SP140: variants seen among roughly 807,000 people sequenced by gnomAD.
The protein encoded by SP140 is SP140 nuclear body protein.
In SP140, 81 loss-of-function variants were observed where a neutral mutation model predicts 125.0. The observed-to-expected ratio is 0.65, with a 90% CI of 0.54 to 0.78. The LOEUF is 0.78. Ranked by LOEUF, SP140 falls within the 30% of genes least tolerant of loss-of-function variation. The probability of loss-of-function intolerance (pLI) is 0.00; values close to 1 mark genes in which losing one functional copy is unlikely to be tolerated. For missense variants in SP140, 858 were observed against 1,037.0 expected (o/e 0.83, Z 2.37); for synonymous variants, 312 against 354.0 (o/e 0.88, Z 1.33).
chr2:230,303,982 T>C lies in SP140; in HGVS notation c.2059-5942T>C, dbSNP rs527871554. ...AAGTCAAACTGTTGCTGGTCGCCAA[T>C]ATGATCGTATACCTAGAAAACCCTA... On this transcript the variant is annotated intron_variant, in intron 22 of 26. Transcript: ENST00000392045. 2.0e-3 allele frequency among the ~76,000 whole-genome samples: 312 copies of C among 152,218 alleles called. 6 individuals are homozygous for C. The highest frequency in any genetic ancestry group is 2.8e-3 in the Non-Finnish European group (187 of 67,992).
intron 14 of SP140, among the ~76,000 whole-genome samples, chr2:230,270,322 A>T (rs964234195): frequency 6.6e-6 from 1 of 152,170 alleles, no homozygotes; most frequent in Non-Finnish European, 1.5e-5. Context: ...TCAAAAGACA[A>T]CTAATCCCGG....
At chr2:230,241,604 C>T (rs893157510) in intron 4 of SP140, 117 bp downstream of exon 4, 2 of 669,156 alleles carry the variant, frequency 3.0e-6, no homozygotes, top group African/African-American at 3.6e-5. Context: ...CAGTCCTCCT[C>T]CCCTCACACA....
intron 3 of SP140, chr2:230,219,415 T>C (rs1435116978): frequency 1.3e-5 from 2 of 152,254 alleles, no homozygotes; most frequent in South Asian, 4.1e-4. Context: ...AAACATGTGC[T>C]CCTTTGAATT....
chr2:230,278,018 T>G (rs1217404684), intron 15 of SP140, among the ~76,000 whole-genome samples: 1 of 152,126 alleles, frequency 6.6e-6, no homozygotes, highest in Non-Finnish European at 1.5e-5. Flanking sequence ...ATTTCTGGAT[T>G]GTATGTATTT....
At chr2:230,200,797 A>G, upstream of SP140, 1 of 1,052,080 alleles carries the variant, frequency 9.5e-7, no homozygotes, top group East Asian at 2.4e-5. Flanking sequence ...GAAAAAAAAA[A>G]GTTAAGAAAT....
chr2:230,245,708 A>G (rs540377853), intron 6 of SP140, among the ~76,000 whole-genome samples, 155 bp from the exon 7 acceptor site: 13 of 152,222 alleles, frequency 8.5e-5, no homozygotes, highest in Middle Eastern at 3.4e-3. Flanking sequence ...GGGCCTGACA[A>G]GGTGCTAGAA....
intron 12 of SP140, among the ~76,000 whole-genome samples, chr2:230,259,187 T>C (rs1487040443): frequency 6.6e-6 from 1 of 152,182 alleles, no homozygotes; most frequent in Non-Finnish European, 1.5e-5. Flanking sequence ...GAGATTTTGG[T>C]GCACCCATCA....
intron 1 of SP140, among the ~76,000 whole-genome samples, chr2:230,206,011 G>T (rs908811497): frequency 2.6e-5 from 4 of 152,140 alleles, no homozygotes; most frequent in South Asian, 2.1e-4. Flanking sequence ...AAAGCAGCTT[G>T]TCTCTCCTTC....
upstream of SP140, among the ~76,000 whole-genome samples, chr2:230,198,468 C>A (rs926913223): frequency 6.6e-6 from 1 of 152,178 alleles, no homozygotes; most frequent in Non-Finnish European, 1.5e-5. Context: ...TCTCTGGTCT[C>A]CCTTTTTCTT....
intron 18 of SP140, among the ~76,000 whole-genome samples, chr2:230,289,178 T>C (rs186458478): frequency 6.6e-6 from 1 of 152,360 alleles, no homozygotes; most frequent in Non-Finnish European, 1.5e-5. Context: ...CGTGAGATGG[T>C]ATCTCATTGT....
downstream of SP140, among the ~76,000 whole-genome samples, chr2:230,316,363 C>A (rs908038382): frequency 1.3e-5 from 2 of 152,156 alleles, no homozygotes; most frequent in East Asian, 3.8e-4. Flanking sequence ...AAACTCAGAG[C>A]TTGATGGGCC....
the SP140 span, among the ~76,000 whole-genome samples, chr2:230,197,026 A>G: frequency 6.4e-4 from 97 of 152,360 alleles, no homozygotes; most frequent in Non-Finnish European, 1.2e-3. Context: ...TCTTTATAGC[A>G]GCATGATTTA....
At chr2:230,195,524 T>A in the SP140 span, among the ~76,000 whole-genome samples, 2 of 152,092 alleles carry the variant, frequency 1.3e-5, no homozygotes, top group African/African-American at 2.4e-5. Context: ...GAGACGGGGT[T>A]TCACCATGTT....
chr2:230,262,706 GT>G (rs200228874), intron 12 of SP140, among the ~76,000 whole-genome samples: 1,609 of 152,112 alleles, frequency 0.011, 44 homozygotes, highest in African/African-American at 0.037. Context: ...TCTTGATTTC[GT>G]TTTTGACCCA....
chr2:230,256,016 A>G (rs1321027029), intron 12 of SP140, among the ~76,000 whole-genome samples: 2 of 152,194 alleles, frequency 1.3e-5, no homozygotes, highest in Admixed American at 6.5e-5. Context: ...AGCTATCAAT[A>G]CTATTATTTG....
At chr2:230,186,235 T>C in the SP140 span, 4 of 1,217,150 alleles carry the variant, frequency 3.3e-6, no homozygotes, top group Non-Finnish European at 4.8e-6. Flanking sequence ...CATTTCTCTA[T>C]AATTCTCTCT....
intron 22 of SP140, among the ~76,000 whole-genome samples, chr2:230,300,554 C>T (rs1014630555): frequency 1.3e-5 from 2 of 152,138 alleles, no homozygotes; most frequent in African/African-American, 4.8e-5. Flanking sequence ...AGAGCAATAA[C>T]AATCACAGCA....
chr2:230,305,554 A>G (rs59559342), intron 22 of SP140, among the ~76,000 whole-genome samples: 25,788 of 152,258 alleles, frequency 0.17, 2,228 homozygotes, highest in East Asian at 0.27. Flanking sequence ...AGCCGCTGCA[A>G]TGGGGCTAGG....
At chr2:230,212,398 C>T (rs752032014) in intron 1 of SP140, 1 of 1,612,900 alleles carries the variant, frequency 6.2e-7, no homozygotes. Context: ...TCTTCTTCCG[C>T]ATTCATTTTG....
Sources: allele counts gnomAD v4.1 joint callset (sites outside exome capture counted in the v4.1 genomes callset), GRCh38; gene constraint gnomAD v4.1.1; transcripts MANE v1.5; gene names NCBI Gene and HGNC (gene_info 2026-07-23, HGNC 2026-07-21).